The following DGLUCY variants were observed in gnomAD, a reference collection of about 807,000 sequenced individuals.
DGLUCY encodes the protein D-glutamate cyclase, also known as D-glutamate cyclase, mitochondrial.
In DGLUCY, 58 loss-of-function variants were observed where a neutral mutation model predicts 58.5. The ratio of observed to expected loss-of-function variants is 0.99; its 90% CI spans 0.80 to 1.23. The LOEUF (loss-of-function observed/expected upper bound fraction) is 1.23, where lower values mean the gene tolerates loss of function less well. Among genes scored for constraint, DGLUCY ranks in the 50% most tolerant of loss-of-function variants. DGLUCY has a pLI of 0.00. For synonymous variants in DGLUCY, 325 were observed against 314.1 expected (o/e 1.03, Z -0.37); for missense variants, 779 against 784.7 (o/e 0.99, Z 0.09).
rs747739443 is a variant in DGLUCY, at chr14:91,170,030, C to T, written c.285C>T (p.Tyr95=). The change falls in exon 5 of 14, where the codon TAC becomes TAT. Residue 95 remains tyrosine (Y), a synonymous_variant. Coordinates refer to ENST00000256324, the MANE Select transcript of DGLUCY (RefSeq NM_001102368.3). ...TGGGCCATCCCCAGTTCTGGAAATA[C>T]GAGTTCGGTGCCTGCACCGGCAGCC... The part of the protein sequence containing the change: ...TRMGHPQFWK[Y]EFGACTGSLA... The T allele has an allele frequency of 3.7e-5, 59 of 1,612,250 alleles. No homozygotes were observed. Among genetic ancestry groups the T allele is most frequent in the South Asian group, 7.7e-5 (7 of 91,004 alleles).
Position 91,199,826 on chromosome 14 carries a change from G to C in DGLUCY, c.1365G>C (p.Lys455Asn). 1 of 1,614,142 alleles carries C rather than the reference G, an allele frequency of 6.2e-7. No individual in the cohort carries two copies. Among genetic ancestry groups the C allele is most frequent in the Non-Finnish European group, 8.5e-7 (1 of 1,180,028 alleles). The part of the protein sequence containing the change: ...AADGNYYNAR[K>N]MNIKHLVDPI... ...ATGGCAATTACTACAATGCAAGGAA[G>C]ATGAACATCAAGCACTTGGTTGACC... The change falls in exon 11 of 14, where the codon AAG becomes AAC. Residue 455 changes from lysine to asparagine, a missense_variant. Transcript: ENST00000256324.
intron 1 of DGLUCY, among the ~76,000 whole-genome samples, chr14:91,142,912 C>T (rs1025036365): frequency 2.7e-4 from 40 of 149,522 alleles, no homozygotes; most frequent in Non-Finnish European, 5.0e-4. Flanking sequence ...TGCCTGTAGT[C>T]CCAACTACTC....
At chr14:91,169,938 T>G in intron 4 of DGLUCY, 65 bp from the exon 5 acceptor site, 1 of 1,507,706 alleles carries the variant, frequency 6.6e-7, no homozygotes, top group South Asian at 1.1e-5. Context: ...AGTCCTTCTA[T>G]AATGTATTAT....
intron 4 of DGLUCY, among the ~76,000 whole-genome samples, chr14:91,169,036 G>A (rs1251859310): frequency 6.6e-6 from 1 of 151,796 alleles, no homozygotes. Flanking sequence ...GCAGTGAGCC[G>A]AGGTTGCACC....
intron 1 of DGLUCY, among the ~76,000 whole-genome samples, chr14:91,135,690 C>T (rs979767504): frequency 7.2e-6 from 1 of 138,666 alleles, no homozygotes; most frequent in African/African-American, 2.7e-5. Flanking sequence ...ATGGTATAGG[C>T]TTTTGCTGTT....
At chr14:91,103,105 T>C (rs2044522325), upstream of DGLUCY, among the ~76,000 whole-genome samples, 1 of 151,992 alleles carries the variant, frequency 6.6e-6, no homozygotes. Flanking sequence ...TACCCCCATG[T>C]TTCTCTCAGG....
rs183969961 is a variant in DGLUCY, at chr14:91,154,889, G to A, written c.-81-2750G>A. Among the ~76,000 whole-genome samples the A allele has an allele frequency of 3.3e-5, 5 of 152,250 alleles. No homozygotes were observed. The East Asian group carries it at 5.8e-4, about 18-fold the overall frequency. On this transcript the variant is annotated intron_variant, in intron 1 of 13. Coordinates refer to ENST00000256324, the MANE Select transcript of DGLUCY (RefSeq NM_001102368.3). ...ACAGGTGGGTCCCCATGAGCCAGCCGCTGCTTTCCTTTCCAGACCCAGCTC... is the reference window on the plus strand; with the variant it reads ...ACAGGTGGGTCCCCATGAGCCAGCCACTGCTTTCCTTTCCAGACCCAGCTC...
At chr14:91,169,954 G>A (rs1377340708) in intron 4 of DGLUCY, 49 bp from the exon 5 acceptor site, 5 of 1,558,304 alleles carry the variant, frequency 3.2e-6, no homozygotes, top group Admixed American at 1.7e-5. Context: ...ATTATCAGGG[G>A]CCACAGTGAG....
intron 1 of DGLUCY, among the ~76,000 whole-genome samples, chr14:91,087,335 T>C (rs2044239076): frequency 6.6e-6 from 1 of 152,224 alleles, no homozygotes. Flanking sequence ...GATGGGTGTA[T>C]AAAGTGAAGT....
intron 1 of DGLUCY, among the ~76,000 whole-genome samples, chr14:91,115,879 G>A (rs992978120): frequency 6.9e-6 from 1 of 144,910 alleles, no homozygotes; most frequent in African/African-American, 2.4e-5. Flanking sequence ...CTCGGCTGGC[G>A]CTGTAGCTGC....
intron 9 of DGLUCY, among the ~76,000 whole-genome samples, chr14:91,189,615 G>GT (rs1281661280): frequency 6.6e-6 from 1 of 152,198 alleles, no homozygotes; most frequent in African/African-American, 2.4e-5. Context: ...TATTGCTGTA[G>GT]GTGTTGGAGA....
chr14:91,207,161 G>GAAAAAAAAAA (rs56355078), intron 12 of DGLUCY, among the ~76,000 whole-genome samples: 935 of 85,042 alleles, frequency 0.011, 42 homozygotes, highest in African/African-American at 0.034. Context: ...ACTGTCTCAG[G>GAAAAAAAAAA]AAAAAAAAAA....
At chr14:91,111,200 A>ATGTG (rs1183383205), upstream of DGLUCY, among the ~76,000 whole-genome samples, 2,123 of 79,082 alleles carry the variant, frequency 0.027, 83 homozygotes, top group African/African-American at 0.057. Context: ...TTATTTATAT[A>ATGTG]TATGTGTGTG....
At chr14:91,169,422 T>C (rs78709157) in intron 4 of DGLUCY, among the ~76,000 whole-genome samples, 1 of 151,562 alleles carries the variant, frequency 6.6e-6, no homozygotes, top group African/African-American at 2.4e-5. Context: ...TTTTTTTTTT[T>C]CTTTGAGGCA....
chr14:91,213,641 T>G (rs1178652654), intron 12 of DGLUCY, among the ~76,000 whole-genome samples: 1 of 152,202 alleles, frequency 6.6e-6, no homozygotes, highest in Non-Finnish European at 1.5e-5. Context: ...CTGCCACGTT[T>G]TGATATATGG....
intron 4 of DGLUCY, among the ~76,000 whole-genome samples, chr14:91,169,598 C>T (rs1390721051): frequency 2.2e-4 from 33 of 151,932 alleles, no homozygotes; most frequent in Non-Finnish European, 1.5e-4. Flanking sequence ...TTAGTATAGA[C>T]GGGGTTTCAC....
chr14:91,189,856 G>A (rs1195147512), intron 9 of DGLUCY: 1 of 152,760 alleles, frequency 6.5e-6, no homozygotes, highest in Non-Finnish European at 1.5e-5. Flanking sequence ...ACTCAGTAAG[G>A]CATACCCTAA....
chr14:91,202,369 G>A (rs2050626701), intron 11 of DGLUCY, among the ~76,000 whole-genome samples: 1 of 152,182 alleles, frequency 6.6e-6, no homozygotes, highest in Admixed American at 6.5e-5. Flanking sequence ...CTCAGGCCCT[G>A]GGGTAATGAA....
chr14:91,202,809 T>C lies in DGLUCY; in HGVS notation c.1445-1897T>C, dbSNP rs551949559. Reference sequence around the variant, plus strand: ...GGAGGCAGGTGGAGCTGGCCGTTCATGGCTTCGAACCGCCCCCTTTGTAGA... The same window carrying C: ...GGAGGCAGGTGGAGCTGGCCGTTCACGGCTTCGAACCGCCCCCTTTGTAGA... On this transcript the variant is annotated intron_variant, in intron 11 of 13. Transcript: ENST00000256324. 3.3e-5 allele frequency among the ~76,000 whole-genome samples: 5 copies of C among 152,324 alleles called. 1 individual carries two copies. Among genetic ancestry groups the C allele is most frequent in the African/African-American group, 1.2e-4 (5 of 41,572 alleles).
Sources: allele counts gnomAD v4.1 joint callset (sites outside exome capture counted in the v4.1 genomes callset), GRCh38; gene constraint gnomAD v4.1.1; transcripts MANE v1.5; gene names NCBI Gene and HGNC (gene_info 2026-07-23, HGNC 2026-07-21).